KMT2A: variants seen among roughly 807,000 people sequenced by gnomAD.
KMT2A encodes lysine methyltransferase 2A.
KMT2A carries 16 observed loss-of-function variants against 345.3 expected under a neutral mutation model. The ratio of observed to expected loss-of-function variants is 0.05; its 90% CI spans 0.03 to 0.07. The LOEUF (loss-of-function observed/expected upper bound fraction) is 0.07, where lower values mean the gene tolerates loss of function less well. Among genes scored for constraint, KMT2A ranks in the 10% least tolerant of loss-of-function variants. The pLI, the probability that KMT2A is intolerant of heterozygous loss-of-function variation, is 1.00. For synonymous variants in KMT2A, 1,599 were observed against 1,778.6 expected (o/e 0.90, Z 2.54); for missense variants, 3,272 against 4,841.6 (o/e 0.68, Z 9.62).
rs1052238531 is a variant in KMT2A, at chr11:118,496,628, T to G, written c.5664+261T>G. Among the ~76,000 whole-genome samples the G allele has an allele frequency of 1.3e-5, 2 of 152,358 alleles. No individual in the cohort carries two copies. Among genetic ancestry groups the G allele is most frequent in the East Asian group, 3.9e-4 (2 of 5,192 alleles). ...ACTGATTTGCCTTAAATTAAACCCTTGATGTCTAGTAATTTCTAATGGAAG... is the reference window on the plus strand; with the variant it reads ...ACTGATTTGCCTTAAATTAAACCCTGGATGTCTAGTAATTTCTAATGGAAG... On this transcript the variant is annotated intron_variant, in intron 20 of 35. Coordinates refer to ENST00000534358, the MANE Select transcript of KMT2A (RefSeq NM_001197104.2). The surrounding 1 kb of genome is among the most constrained non-coding windows in gnomAD (Gnocchi z 4.7).
chr11:118,438,196 C>G (rs1949238824), intron 1 of KMT2A, among the ~76,000 whole-genome samples: 1 of 151,998 alleles, frequency 6.6e-6, no homozygotes, highest in East Asian at 1.9e-4. Flanking sequence ...AAAGTTATTC[C>G]TTAGAAAGGA....
chr11:118,485,728 A>G (rs1314689634), intron 10 of KMT2A, among the ~76,000 whole-genome samples: 2 of 152,208 alleles, frequency 1.3e-5, no homozygotes, highest in African/African-American at 2.4e-5. Flanking sequence ...TATTGCTCAT[A>G]ATAATAAAAA....
At chr11:118,465,213 G>A (rs1267982648) in intron 1 of KMT2A, among the ~76,000 whole-genome samples, 1 of 152,062 alleles carries the variant, frequency 6.6e-6, no homozygotes, top group Non-Finnish European at 1.5e-5. Context: ...ACTATAGCTA[G>A]GTGACAGAGT....
chr11:118,439,158 C>CAAAAAAAAAAAAAAGAAAA, intron 1 of KMT2A: 7 of 265,444 alleles, frequency 2.6e-5, no homozygotes, highest in Admixed American at 1.1e-4. Context: ...GATACAGCAG[C>CAAAAAAAAAAAAAAGAAAA]AAAAAAAAAA....
chr11:118,472,246 T>A lies in KMT2A; in HGVS notation c.1087T>A (p.Ser363Thr), dbSNP rs1949955852. ...RRIKPVRIIP[S>T]SKRTDATIAK... ...GATTAAGCCAGTTAGGATTATTCCTTCTTCAAAAAGGACAGATGCAACCAT... is the reference window on the plus strand; with the variant it reads ...GATTAAGCCAGTTAGGATTATTCCTACTTCAAAAAGGACAGATGCAACCAT... Residue 363 changes from serine to threonine, a missense_variant, in exon 3 of 36, where the codon TCT becomes ACT. Ser to Thr is a moderately conservative substitution (Grantham distance 58). Transcript: ENST00000534358. The A allele has an allele frequency of 6.2e-7, 1 of 1,613,964 alleles. No homozygotes were observed. Among genetic ancestry groups the A allele is most frequent in the East Asian group, 2.2e-5 (1 of 44,878 alleles).
In KMT2A at chr11:118,499,815, G is replaced by A. The variant is rs1555045125; in HGVS notation, c.6080-20G>A. On this transcript the variant is annotated intron_variant, in intron 23 of 35. Transcript: ENST00000534358. ...TGACGCTCATAATCTTCTCTAATCG[G>A]TTCTTCTTTCCTTGGTCAGGGTCTA... The A allele has an allele frequency of 6.4e-7, 1 of 1,561,078 alleles. No homozygotes were observed. The highest frequency in any genetic ancestry group is 1.7e-5 in the Admixed American group (1 of 59,796).
intron 1 of KMT2A, among the ~76,000 whole-genome samples, chr11:118,445,546 ATGAG>A (rs1311546899): frequency 6.6e-6 from 1 of 152,242 alleles, no homozygotes; most frequent in Non-Finnish European, 1.5e-5. Flanking sequence ...CTTGAGGAGA[ATGAG>A]TGCTGGTCTA....
chr11:118,487,068 C>G (rs1950242449), intron 10 of KMT2A, among the ~76,000 whole-genome samples: 1 of 152,158 alleles, frequency 6.6e-6, no homozygotes. Context: ...CAAATATTCT[C>G]TTAGTCCCTA....
In KMT2A at chr11:118,473,629, G is replaced by A. The variant is rs1949982956; in HGVS notation, c.2470G>A (p.Ala824Thr). 1 of 1,614,024 alleles carries A rather than the reference G, an allele frequency of 6.2e-7. No homozygotes were observed. ...ACCAAGGAAGCAGACTAGTGCTCCGGCAGAGCCATTTTCATCAAGTAGTCC... is the reference window on the plus strand; with the variant it reads ...ACCAAGGAAGCAGACTAGTGCTCCGACAGAGCCATTTTCATCAAGTAGTCC... ...QRPRKQTSAPAEPFSSSSPTP... is the reference protein window; with the variant it reads ...QRPRKQTSAPTEPFSSSSPTP... The change falls in exon 3 of 36, where the codon GCA (alanine) becomes ACA (threonine). Residue 824 changes from alanine (A) to threonine (T), a missense_variant. Transcript: ENST00000534358. The surrounding 1 kb of genome is among the most constrained non-coding windows in gnomAD (Gnocchi z 5.2).
intron 1 of KMT2A, among the ~76,000 whole-genome samples, chr11:118,457,425 C>T (rs1949666171): frequency 6.6e-6 from 1 of 151,678 alleles, no homozygotes; most frequent in Admixed American, 6.6e-5. Context: ...CACCACCACG[C>T]CTGGCTAATT....
Position 118,504,084 on chromosome 11 carries a change from C to A in KMT2A, c.8192C>A (p.Thr2731Asn), listed in dbSNP as rs1555047042. ...DGVDDGTESD[T>N]SVTATTRKSS... ...GTTGATGATGGGACAGAGAGTGATA[C>A]TAGTGTCACAGCCACAACAAGGAAA... is the stretch of plus-strand genomic sequence containing the variant. The change falls in exon 27 of 36, where the codon ACT becomes AAT. Residue 2731 changes from threonine (T) to asparagine (N), a missense_variant. Thr to Asn is a moderately conservative substitution (Grantham distance 65). Coordinates refer to ENST00000534358, the MANE Select transcript of KMT2A (RefSeq NM_001197104.2). This position sits in a 1 kb window ranked among gnomAD's most constrained non-coding sequence, Gnocchi z 6.4. 5 of 1,614,096 alleles carry A rather than the reference C, an allele frequency of 3.1e-6. No individual in the cohort carries two copies. In the South Asian group the frequency reaches 3.3e-5, roughly 11 times the overall value.
intron 1 of KMT2A, among the ~76,000 whole-genome samples, chr11:118,464,336 G>A (rs1183195070): frequency 6.6e-6 from 1 of 152,154 alleles, no homozygotes; most frequent in Non-Finnish European, 1.5e-5. Context: ...AGGAGTTCGA[G>A]ACCAGCCTGG....
chr11:118,521,016 A>G lies in KMT2A; in HGVS notation c.11513+131A>G. The G allele has an allele frequency of 1.4e-6, 1 of 712,976 alleles. No individual in the cohort carries two copies. The highest frequency in any genetic ancestry group is 2.5e-6 in the Non-Finnish European group (1 of 407,300). The allele number at this position is 712,976 out of a possible 1,614,324, so 44.2% of individuals were successfully genotyped here. ...TTACGGACACTATTTATTGACCCTC[A>G]TATCCTGGGATCCTGCACCTCCTTG... On this transcript the variant is annotated intron_variant, in intron 34 of 35. Transcript: ENST00000534358. This position sits in a 1 kb window ranked among gnomAD's most constrained non-coding sequence, Gnocchi z 5.3.
chr11:118,509,643 G>C (rs1950648098), intron 29 of KMT2A, among the ~76,000 whole-genome samples: 1 of 152,152 alleles, frequency 6.6e-6, no homozygotes, highest in Admixed American at 6.5e-5. Flanking sequence ...TTCAAGATTA[G>C]AGAGTTCTGG....
intron 31 of KMT2A, among the ~76,000 whole-genome samples, chr11:118,513,283 C>T (rs1269636557): frequency 6.6e-6 from 1 of 152,042 alleles, no homozygotes; most frequent in Non-Finnish European, 1.5e-5. Context: ...TTTAATTAAG[C>T]TAAGGTAGAA....
chr11:118,439,284 GTC>G (rs1949268251), intron 1 of KMT2A, among the ~76,000 whole-genome samples: 2 of 152,176 alleles, frequency 1.3e-5, no homozygotes, highest in African/African-American at 4.8e-5. Context: ...TAATAAGAAA[GTC>G]TCTATTAGGA....
rs986372013 is a variant in KMT2A at position 118,437,016 on chromosome 11, G to C, written c.432+72G>C. The stretch of plus-strand genomic sequence containing the variant: ...GAGCCCCCTCCCCTCCCCCATCCGG[G>C]ATTGAGGAGCATCCCAATTCTGGGA... On this transcript the variant is annotated intron_variant, in intron 1 of 35. Transcript: ENST00000534358. The C allele has an allele frequency of 7.4e-6, 10 of 1,351,910 alleles. 1 individual carries two copies. The South Asian group carries it at 1.6e-4, about 21-fold the overall frequency. The allele number at this position is 1,351,910 out of a possible 1,614,324, so 83.7% of individuals were successfully genotyped here. A position where few individuals can be genotyped will look rare whatever the true frequency, so the allele number is the denominator to read the frequency against.
intron 1 of KMT2A, among the ~76,000 whole-genome samples, chr11:118,464,201 A>G (rs1283186300): frequency 6.6e-6 from 1 of 152,240 alleles, no homozygotes; most frequent in Non-Finnish European, 1.5e-5. Context: ...AGCCAACACC[A>G]TAGACATCTC....
At chr11:118,445,114 G>A (rs1330018617) in intron 1 of KMT2A, among the ~76,000 whole-genome samples, 2 of 151,930 alleles carry the variant, frequency 1.3e-5, no homozygotes, top group Middle Eastern at 3.2e-3. Context: ...ACCTGTATAT[G>A]TATGCATACA....
Sources: gnomAD v4.1 joint callset for allele counts (sites outside exome capture counted in the v4.1 genomes callset) on GRCh38, gnomAD v4.1.1 for gene constraint, Gnocchi (gnomAD v3.1) non-coding constraint, MANE v1.5 for transcripts, NCBI Gene and HGNC (gene_info 2026-07-23, HGNC 2026-07-21) for gene names.